The following TSGA10 variants were observed in gnomAD, a reference collection of about 807,000 sequenced individuals.
TSGA10 encodes testis specific 10.
TSGA10 carries 43 observed loss-of-function variants against 96.6 expected under a neutral mutation model. That is an observed-to-expected ratio of 0.44 (90% CI 0.35 to 0.57). TSGA10 has a LOEUF of 0.57. TSGA10 is among the 20% of genes least tolerant of loss of function. The pLI, the probability that TSGA10 is intolerant of heterozygous loss-of-function variation, is 0.01. For missense variants in TSGA10, 703 were observed against 834.4 expected, an observed-to-expected ratio of 0.84 and a Z score of 1.94; for synonymous variants, 229 against 269.9, an observed-to-expected ratio of 0.85 and a Z score of 1.48.
At chr2:98,999,175 C>G (rs542131795) in intron 20 of TSGA10, among the ~76,000 whole-genome samples, 20 of 152,206 alleles carry the variant, frequency 1.3e-4, no homozygotes, top group African/African-American at 4.6e-4. Context: ...GGATTATAGT[C>G]AGGAGCCACT....
At chr2:99,022,324 C>CCAA (rs2080110367) in intron 17 of TSGA10, among the ~76,000 whole-genome samples, 1 of 43,910 alleles carries the variant, frequency 2.3e-5, no homozygotes, top group Non-Finnish European at 4.6e-5. Flanking sequence ...GACCCTGTCT[C>CCAA]AAAAAAAAAA....
intron 16 of TSGA10, among the ~76,000 whole-genome samples, chr2:99,042,269 T>C (rs1382443211): frequency 1.3e-5 from 2 of 152,180 alleles, no homozygotes; most frequent in Non-Finnish European, 2.9e-5. Context: ...TGAGATGTGC[T>C]GGGGCGCAGG....
intron 20 of TSGA10, among the ~76,000 whole-genome samples, chr2:99,017,699 A>C (rs1391010605): frequency 6.7e-6 from 1 of 149,702 alleles, no homozygotes; most frequent in Non-Finnish European, 1.5e-5. Context: ...CGGGAGGCGG[A>C]GCTTGCAGTG....
chr2:99,126,457 C>G (rs1314812780), intron 2 of TSGA10: 1 of 152,216 alleles, frequency 6.6e-6, no homozygotes, highest in Non-Finnish European at 1.5e-5. Context: ...GCCAATGTTC[C>G]TTCTCCTCTC....
At chr2:99,115,969 A>G (rs1297821980) in intron 4 of TSGA10, among the ~76,000 whole-genome samples, 1 of 152,202 alleles carries the variant, frequency 6.6e-6, no homozygotes, top group Non-Finnish European at 1.5e-5. Flanking sequence ...ATAAAAATAC[A>G]TACAATCCTA....
At chr2:99,152,066 G>GA (rs375642448) in intron 1 of TSGA10, among the ~76,000 whole-genome samples, 3 of 151,886 alleles carry the variant, frequency 2.0e-5, no homozygotes, top group Admixed American at 6.6e-5. Context: ...CTTTAGAAGA[G>GA]AAAAAAAATA....
At chr2:99,043,365 A>T (rs758669685) in intron 16 of TSGA10, among the ~76,000 whole-genome samples, 102 of 152,268 alleles carry the variant, frequency 6.7e-4, no homozygotes, top group Non-Finnish European at 1.2e-3. Context: ...CAGAATGAAG[A>T]AAAATGAACA....
rs529097821 is a variant in TSGA10, at chr2:99,036,926, C to T, written c.1405-1487G>A. Among the ~76,000 whole-genome samples the T allele has an allele frequency of 4.6e-5, 7 of 152,198 alleles. No individual in the cohort carries two copies. In the East Asian group the frequency reaches 1.2e-3, roughly 25 times the overall value. ...AAGTTAATTTTCAAAGAAGACATAA[C>T]AATCCTTAATGTGCACATTCCTAAC... On this transcript the variant is annotated intron_variant, in intron 16 of 20. Coordinates refer to ENST00000393483, the MANE Select transcript of TSGA10 (RefSeq NM_025244.4).
intron 17 of TSGA10, among the ~76,000 whole-genome samples, chr2:99,031,503 G>A (rs377191921): frequency 5.3e-5 from 8 of 151,966 alleles, no homozygotes; most frequent in Non-Finnish European, 1.0e-4. Context: ...TTATAAATGC[G>A]ACTTCATCAA....
At chr2:99,093,941 C>A (rs2089685366) in intron 10 of TSGA10, among the ~76,000 whole-genome samples, 1 of 152,078 alleles carries the variant, frequency 6.6e-6, no homozygotes, top group African/African-American at 2.4e-5. Flanking sequence ...GCCCACATAG[C>A]CAAGGCAAGA....
At chr2:99,041,195 A>G (rs1441709803) in intron 16 of TSGA10, among the ~76,000 whole-genome samples, 1 of 152,242 alleles carries the variant, frequency 6.6e-6, no homozygotes, top group Non-Finnish European at 1.5e-5. Flanking sequence ...GGATGACCCA[A>G]ATGCATAAGA....
intron 1 of TSGA10, among the ~76,000 whole-genome samples, chr2:99,153,239 A>G (rs1246639570): frequency 6.6e-6 from 1 of 152,228 alleles, no homozygotes; most frequent in South Asian, 2.1e-4. Flanking sequence ...CCGTGACCTT[A>G]GCAAAAGCAC....
In TSGA10 at chr2:99,147,290, T is replaced by C. The variant is rs985497111; in HGVS notation, c.-621+7403A>G. On this transcript the variant is annotated intron_variant, in intron 1 of 20. Coordinates refer to ENST00000393483, the MANE Select transcript of TSGA10 (RefSeq NM_025244.4). The stretch of plus-strand genomic sequence containing the variant: ...TGCTGGAATTACAGGCGTGAGCCAT[T>C]GTGCCCAGCCGCGTAGCCTATCTTA... 11 of 558,780 alleles carry C rather than the reference T, an allele frequency of 2.0e-5. No homozygotes were observed. In the African/African-American group the frequency reaches 2.1e-4, roughly 11 times the overall value. The allele number at this position is 558,780 out of a possible 1,614,324, so 34.6% of individuals were successfully genotyped here. A position where few individuals can be genotyped will look rare whatever the true frequency, so the allele number is the denominator to read the frequency against.
intron 20 of TSGA10, among the ~76,000 whole-genome samples, chr2:99,015,848 A>C (rs1226913892): frequency 6.6e-6 from 1 of 152,232 alleles, no homozygotes; most frequent in Non-Finnish European, 1.5e-5. Context: ...ATACACCAAC[A>C]GCAATCAAGC....
At chr2:99,059,035 CA>C (rs60034428) in intron 16 of TSGA10, among the ~76,000 whole-genome samples, 7,379 of 102,466 alleles carry the variant, frequency 0.072, 363 homozygotes, top group East Asian at 0.25. Context: ...GACTCTGTCT[CA>C]AAAAAAAAAA....
At chr2:99,005,257 C>G (rs939659398) in intron 20 of TSGA10, among the ~76,000 whole-genome samples, 1 of 152,182 alleles carries the variant, frequency 6.6e-6, no homozygotes, top group Non-Finnish European at 1.5e-5. Flanking sequence ...TCTCTCACCA[C>G]TCTTATTCAA....
At chr2:99,077,637 C>T (rs997645028) in intron 12 of TSGA10, among the ~76,000 whole-genome samples, 8 of 152,134 alleles carry the variant, frequency 5.3e-5, no homozygotes, top group African/African-American at 1.9e-4. Flanking sequence ...TCTCGGCTCA[C>T]TGCAAGCTCC....
chr2:99,060,349 A>T (rs1005531120), intron 16 of TSGA10, among the ~76,000 whole-genome samples: 1 of 152,064 alleles, frequency 6.6e-6, no homozygotes, highest in Non-Finnish European at 1.5e-5. Flanking sequence ...GCCATAAAAA[A>T]CCCCATGAGA....
At chr2:99,150,400 C>T (rs1396936472) in intron 1 of TSGA10, 1 of 772,332 alleles carries the variant, frequency 1.3e-6, no homozygotes, top group Non-Finnish European at 2.0e-6. Flanking sequence ...AGTATCACCA[C>T]AGCTTTTCAT....
Sources: allele counts gnomAD v4.1 joint callset (sites outside exome capture counted in the v4.1 genomes callset), GRCh38; gene constraint gnomAD v4.1.1; transcripts MANE v1.5; gene names NCBI Gene and HGNC (gene_info 2026-07-23, HGNC 2026-07-21).